The following PBX1 variants were observed in gnomAD, a reference collection of about 807,000 sequenced individuals.
The protein encoded by PBX1 is PBX homeobox 1.
Under a neutral mutation model 53.4 loss-of-function variants are expected in PBX1, and 6 were observed. That is an observed-to-expected ratio of 0.11 (90% confidence interval 0.06 to 0.22). The LOEUF (loss-of-function observed/expected upper bound fraction) is 0.22. Ranked by LOEUF, PBX1 falls within the 10% of genes least tolerant of loss-of-function variation. The probability of loss-of-function intolerance (pLI) is 1.00; values close to 1 mark genes in which losing one functional copy is unlikely to be tolerated. For missense variants in PBX1, 251 were observed against 551.4 expected, an observed-to-expected ratio of 0.46 and a Z score of 5.46; for synonymous variants, 204 against 212.3, an observed-to-expected ratio of 0.96 and a Z score of 0.34.
intron 2 of PBX1, among the ~76,000 whole-genome samples, chr1:164,877,088 G>T (rs1276488755): frequency 1.4e-5 from 2 of 146,832 alleles, no homozygotes; most frequent in Non-Finnish European, 3.0e-5. Context: ...TGTGAAGTAA[G>T]TTTTTTTTTT....
At chr1:164,776,629 C>T (rs1045554823) in intron 2 of PBX1, among the ~76,000 whole-genome samples, 1 of 152,062 alleles carries the variant, frequency 6.6e-6, no homozygotes, top group Non-Finnish European at 1.5e-5. Context: ...TGAATTGTGC[C>T]CCAAGGGGGA....
chr1:164,764,866 T>C (rs1050393190), intron 2 of PBX1, among the ~76,000 whole-genome samples: 13 of 152,196 alleles, frequency 8.5e-5, no homozygotes, highest in African/African-American at 3.1e-4. Context: ...TTTCAGTAGT[T>C]TCTGTTGGAA....
downstream of PBX1, among the ~76,000 whole-genome samples, chr1:164,852,589 A>C (rs548382647): frequency 3.9e-5 from 6 of 152,290 alleles, no homozygotes; most frequent in South Asian, 1.0e-3. Context: ...CATGCATTAC[A>C]TTCTCATTTT....
intron 2 of PBX1, among the ~76,000 whole-genome samples, chr1:164,669,244 A>G (rs1182457946): frequency 6.6e-6 from 1 of 152,134 alleles, no homozygotes; most frequent in African/African-American, 2.4e-5. Context: ...TATATGAGCA[A>G]TTGGGGAGAA....
At chr1:164,708,446 C>T (rs114485759) in intron 2 of PBX1, among the ~76,000 whole-genome samples, 1,762 of 152,152 alleles carry the variant, frequency 0.012, 40 homozygotes, top group African/African-American at 0.04. Context: ...GGTTTGTTAA[C>T]ATAGGCATAT....
At chr1:164,620,607 TA>T (rs1469072350) in intron 2 of PBX1, among the ~76,000 whole-genome samples, 1 of 152,210 alleles carries the variant, frequency 6.6e-6, no homozygotes, top group Non-Finnish European at 1.5e-5. Flanking sequence ...GGTTGCTGAA[TA>T]CATGATTAAT....
chr1:164,628,006 G>A lies in PBX1; in HGVS notation c.265+64695G>A, dbSNP rs57074481. Among the ~76,000 whole-genome samples, 1,153 of 152,296 alleles carry A rather than the reference G, an allele frequency of 7.6e-3. 17 individuals carry two copies. Among genetic ancestry groups the A allele is most frequent in the African/African-American group, 0.026 (1,101 of 41,564 alleles). ...CTTTCTGTACCTGTTTTAGATTCAG[G>A]TAACTGAGAAAAGTATGTTAATTGC... On this transcript the variant is annotated intron_variant, in intron 2 of 8. Transcript: ENST00000420696.
chr1:164,755,170 G>C (rs1666442024), intron 2 of PBX1, among the ~76,000 whole-genome samples: 1 of 152,138 alleles, frequency 6.6e-6, no homozygotes, highest in Non-Finnish European at 1.5e-5. Flanking sequence ...TAGACATCCT[G>C]CTACACTTGT....
chr1:164,588,404 A>G (rs1655100246), intron 2 of PBX1, among the ~76,000 whole-genome samples: 1 of 148,844 alleles, frequency 6.7e-6, no homozygotes, highest in African/African-American at 2.4e-5. Flanking sequence ...GTTGCCAGCC[A>G]GTATATGTAA....
intron 2 of PBX1, among the ~76,000 whole-genome samples, chr1:164,597,745 A>G (rs1655867297): frequency 6.6e-6 from 1 of 152,180 alleles, no homozygotes; most frequent in African/African-American, 2.4e-5. Flanking sequence ...TGTTGTAAAT[A>G]TAATACCTCA....
chr1:164,588,728 A>G (rs544539232), intron 2 of PBX1, among the ~76,000 whole-genome samples: 11 of 152,144 alleles, frequency 7.2e-5, no homozygotes, highest in South Asian at 6.2e-4. Context: ...GGGAAGAAAC[A>G]AAACTAGCTC....
At chr1:164,716,685 TACACACACACACAC>T (rs375539653) in intron 2 of PBX1, among the ~76,000 whole-genome samples, 39 of 115,856 alleles carry the variant, frequency 3.4e-4, no homozygotes, top group African/African-American at 7.0e-4. Context: ...ATGTCATCTC[TACACACACACACAC>T]ACACACACAC....
At chr1:164,737,858 G>C (rs1449925045) in intron 2 of PBX1, among the ~76,000 whole-genome samples, 1 of 152,036 alleles carries the variant, frequency 6.6e-6, no homozygotes, top group African/African-American at 2.4e-5. Context: ...ACACCGAAAG[G>C]TCTCCTCATG....
chr1:164,604,004 G>C (rs887266382), intron 2 of PBX1, among the ~76,000 whole-genome samples: 1 of 132,068 alleles, frequency 7.6e-6, no homozygotes, highest in East Asian at 2.3e-4. Context: ...GCAGTGGCAC[G>C]ATCACGGCTC....
chr1:164,613,684 A>G (rs1227833122), intron 2 of PBX1, among the ~76,000 whole-genome samples: 1 of 152,134 alleles, frequency 6.6e-6, no homozygotes, highest in Non-Finnish European at 1.5e-5. Context: ...CCATGTTTTT[A>G]ACAAATAAAC....
intron 2 of PBX1, among the ~76,000 whole-genome samples, chr1:164,777,450 T>G (rs1339377537): frequency 1.3e-5 from 2 of 151,882 alleles, no homozygotes; most frequent in African/African-American, 4.8e-5. Flanking sequence ...TCTCAGGAGG[T>G]TTTAAGGGTC....
At chr1:164,749,143 A>G (rs1212795534) in intron 2 of PBX1, among the ~76,000 whole-genome samples, 1 of 152,220 alleles carries the variant, frequency 6.6e-6, no homozygotes, top group Non-Finnish European at 1.5e-5. Context: ...GGGAAAAAAA[A>G]GCTGATAGCC....
At chr1:164,853,510 TTTAACAGGGG>T, downstream of PBX1, among the ~76,000 whole-genome samples, 1 of 152,310 alleles carries the variant, frequency 6.6e-6, no homozygotes, top group Non-Finnish European at 1.5e-5. Flanking sequence ...AAGAGAGGGA[TTTAACAGGGG>T]CCAGAGATGT....
intron 2 of PBX1, among the ~76,000 whole-genome samples, chr1:164,576,603 G>C (rs1654258181): frequency 6.6e-6 from 1 of 152,226 alleles, no homozygotes; most frequent in Non-Finnish European, 1.5e-5. Flanking sequence ...CCCTTGCCTG[G>C]CCCGGGTTGC....
Sources: gnomAD v4.1 joint callset for allele counts (sites outside exome capture counted in the v4.1 genomes callset) on GRCh38, gnomAD v4.1.1 for gene constraint, MANE v1.5 for transcripts, NCBI Gene and HGNC (gene_info 2026-07-23, HGNC 2026-07-21) for gene names.